ITGBL1: variants seen among roughly 807,000 people sequenced by gnomAD.
ITGBL1 encodes the protein integrin subunit beta like 1.
Under a neutral mutation model 68.5 loss-of-function variants are expected in ITGBL1, and 51 were observed. That is an observed-to-expected ratio of 0.74 (90% confidence interval 0.59 to 0.94). The LOEUF (loss-of-function observed/expected upper bound fraction) is 0.94. Among genes scored for constraint, ITGBL1 ranks in the 40% least tolerant of loss-of-function variants. ITGBL1 has a pLI of 0.00. For synonymous variants in ITGBL1, 209 were observed against 227.3 expected (o/e 0.92, Z 0.72); for missense variants, 649 against 647.4 (o/e 1.00, Z -0.03).
chr13:101,462,782 C>T (rs578011129), intron 2 of ITGBL1, among the ~76,000 whole-genome samples: 1 of 152,270 alleles, frequency 6.6e-6, no homozygotes, highest in South Asian at 2.1e-4. Flanking sequence ...AGGGCTTCAC[C>T]ATGTTGGCCA....
intron 2 of ITGBL1, among the ~76,000 whole-genome samples, chr13:101,481,028 G>GTGTGTA (rs2048613153): frequency 6.7e-6 from 1 of 149,546 alleles, no homozygotes; most frequent in African/African-American, 2.5e-5. Context: ...GTGTGTGTGT[G>GTGTGTA]TGTGTGTGTA....
intron 7 of ITGBL1, among the ~76,000 whole-genome samples, chr13:101,635,112 G>T: frequency 6.6e-6 from 1 of 151,956 alleles, no homozygotes; most frequent in East Asian, 1.9e-4. Context: ...AAATGAGAAT[G>T]TACAATTATC....
intron 2 of ITGBL1, among the ~76,000 whole-genome samples, chr13:101,527,286 G>A (rs1180833883): frequency 6.6e-6 from 1 of 152,012 alleles, no homozygotes; most frequent in Non-Finnish European, 1.5e-5. Flanking sequence ...GGCAACCACT[G>A]AGCTACTTTC....
intron 2 of ITGBL1, among the ~76,000 whole-genome samples, chr13:101,550,997 G>A (rs2049911971): frequency 6.6e-6 from 1 of 152,192 alleles, no homozygotes; most frequent in Non-Finnish European, 1.5e-5. Context: ...ACATGTTCCA[G>A]TCTTGTTCTT....
chr13:101,595,315 C>G (rs117102982), intron 6 of ITGBL1, among the ~76,000 whole-genome samples: 1 of 151,994 alleles, frequency 6.6e-6, no homozygotes, highest in Non-Finnish European at 1.5e-5. Flanking sequence ...TCAGATCTTA[C>G]GTGAACTACC....
chr13:101,704,935 T>C (rs976330931), intron 8 of ITGBL1, among the ~76,000 whole-genome samples: 2 of 152,192 alleles, frequency 1.3e-5, no homozygotes, highest in Non-Finnish European at 2.9e-5. Flanking sequence ...TTTATTTACT[T>C]TTTTCCTTTT....
chr13:101,540,280 G>A (rs2049669761), intron 2 of ITGBL1, among the ~76,000 whole-genome samples: 1 of 152,164 alleles, frequency 6.6e-6, no homozygotes, highest in Non-Finnish European at 1.5e-5. Flanking sequence ...TGGCTAGCCA[G>A]TTTTCCCAGC....
intron 5 of ITGBL1, among the ~76,000 whole-genome samples, chr13:101,579,832 A>G (rs944792232): frequency 5.3e-5 from 8 of 152,184 alleles, no homozygotes; most frequent in South Asian, 2.1e-4. Context: ...TGTCTTAATT[A>G]TGAGTATATG....
intron 7 of ITGBL1, among the ~76,000 whole-genome samples, chr13:101,608,306 G>A (rs1448449942): frequency 6.6e-6 from 1 of 151,274 alleles, no homozygotes; most frequent in African/African-American, 2.4e-5. Flanking sequence ...CTTTTTATTG[G>A]GAAAGCCCAT....
chr13:101,708,486 G>A (rs527797327), intron 9 of ITGBL1, among the ~76,000 whole-genome samples: 1 of 152,158 alleles, frequency 6.6e-6, no homozygotes, highest in Admixed American at 6.5e-5. Context: ...GCAAAAGTGT[G>A]CTAGAGACAC....
At chr13:101,506,072 A>G (rs1457448626) in intron 2 of ITGBL1, among the ~76,000 whole-genome samples, 2 of 152,198 alleles carry the variant, frequency 1.3e-5, no homozygotes, top group Non-Finnish European at 2.9e-5. Context: ...CTTTCCTACC[A>G]AGTGAATATT....
intron 7 of ITGBL1, among the ~76,000 whole-genome samples, chr13:101,666,510 G>GT (rs66930116): frequency 0.98 from 145,541 of 149,206 alleles, 70,991 homozygotes; most frequent in East Asian, 1. Flanking sequence ...TGTGAGGCAT[G>GT]TTTTTTTTTT....
chr13:101,656,675 CAT>C (rs1212464936), intron 7 of ITGBL1, among the ~76,000 whole-genome samples: 1 of 152,146 alleles, frequency 6.6e-6, no homozygotes, highest in Non-Finnish European at 1.5e-5. Flanking sequence ...AAAATCCACT[CAT>C]ATTGTAATTT....
chr13:101,579,731 C>G (rs924297194), intron 5 of ITGBL1, among the ~76,000 whole-genome samples: 2 of 152,138 alleles, frequency 1.3e-5, no homozygotes, highest in African/African-American at 4.8e-5. Context: ...AAGGCAATTC[C>G]TTTAGATACT....
In ITGBL1 at chr13:101,604,887, T is replaced by TATACACACACAC; in HGVS notation, c.1015+6589_1015+6590insTACACACACACA. Among the ~76,000 whole-genome samples the TATACACACACAC allele has an allele frequency of 7.7e-3, 171 of 22,098 alleles. 4 individuals are homozygous for TATACACACACAC. Among genetic ancestry groups the TATACACACACAC allele is most frequent in the Middle Eastern group, 0.083 (1 of 12 alleles). 14.5% of individuals were successfully genotyped at this position (22,098 alleles called of 152,430 possible). On this transcript the variant is annotated intron_variant, in intron 7 of 10. Coordinates refer to ENST00000376180, the MANE Select transcript of ITGBL1 (RefSeq NM_004791.3). Reference sequence around the variant, plus strand: ...ATATATATATATATATATATATATATACACACACACACACATATATATGTG... The same window carrying TATACACACACAC: ...ATATATATATATATATATATATATATATACACACACACACACACACACACACATATATATGTG...
chr13:101,648,142 T>C (rs188892621), intron 7 of ITGBL1, among the ~76,000 whole-genome samples: 2 of 152,272 alleles, frequency 1.3e-5, no homozygotes, highest in African/African-American at 4.8e-5. Flanking sequence ...GGAGAATTAT[T>C]ACACCGTTCA....
chr13:101,458,199 A>T (rs2048270311), intron 2 of ITGBL1, among the ~76,000 whole-genome samples: 1 of 152,232 alleles, frequency 6.6e-6, no homozygotes, highest in Non-Finnish European at 1.5e-5. Context: ...AATTTTTATG[A>T]GGGCTCCATT....
intron 8 of ITGBL1, among the ~76,000 whole-genome samples, chr13:101,696,497 G>C (rs1264608896): frequency 2.0e-5 from 3 of 152,100 alleles, no homozygotes; most frequent in Non-Finnish European, 4.4e-5. Flanking sequence ...GCTCCCTTTG[G>C]AACATATCCC....
At chr13:101,624,291 A>G (rs1241686409) in intron 7 of ITGBL1, among the ~76,000 whole-genome samples, 4 of 152,220 alleles carry the variant, frequency 2.6e-5, no homozygotes, top group African/African-American at 9.6e-5. Flanking sequence ...TAGCGAAAGC[A>G]AACACCGTTA....
Sources: allele counts gnomAD v4.1 joint callset (sites outside exome capture counted in the v4.1 genomes callset), GRCh38; gene constraint gnomAD v4.1.1; transcripts MANE v1.5; gene names NCBI Gene and HGNC (gene_info 2026-07-23, HGNC 2026-07-21).